The following CTSE variants were observed in gnomAD, a reference collection of about 807,000 sequenced individuals.
CTSE encodes the protein cathepsin E, also known as erythrocyte membrane aspartic proteinase.
Under a neutral mutation model 42.8 loss-of-function variants are expected in CTSE, and 43 were observed. The observed-to-expected ratio is 1.01, with a 90% confidence interval of 0.79 to 1.30. The LOEUF (loss-of-function observed/expected upper bound fraction) is 1.30, where lower values mean the gene tolerates loss of function less well. Ranked by LOEUF, CTSE falls within the 50% of genes most tolerant of loss-of-function variation. The probability of loss-of-function intolerance (pLI) is 0.00; values close to 1 mark genes in which losing one functional copy is unlikely to be tolerated. For synonymous variants in CTSE, 205 were observed against 191.5 expected (o/e 1.07, Z -0.58); for missense variants, 532 against 493.5 (o/e 1.08, Z -0.74).
At chr1:206,012,690 C>A in intron 6 of CTSE, 41 bp from the exon 7 acceptor site, 1 of 1,599,564 alleles carries the variant, frequency 6.3e-7, no homozygotes, top group Middle Eastern at 1.7e-4. Context: ...TTCCCTCCCC[C>A]GGCTCCTAGG....
intron 4 of CTSE, among the ~76,000 whole-genome samples, chr1:206,020,445 A>G (rs1330406947): frequency 1.3e-5 from 2 of 152,010 alleles, no homozygotes; most frequent in African/African-American, 4.8e-5. Flanking sequence ...GCCCAGGCAT[A>G]TATTGCTGTC....
At position 206,009,290 on chromosome 1, in the gene CTSE, A is replaced by G. The variant is rs184000275; in HGVS notation, c.*893T>C. ...AAAATGCTGAACTTTGTAATGAATG[A>G]TTAAAGCCAAGAACTCCAAACCCAC... On this transcript the variant is annotated 3_prime_UTR_variant, in exon 9 of 9. Transcript: ENST00000358184. 5 of 152,222 alleles carry G rather than the reference A, an allele frequency of 3.3e-5. No individual in the cohort carries two copies. The highest frequency in any genetic ancestry group is 2.0e-4 in the Admixed American group (3 of 15,280). 9.4% of individuals were successfully genotyped at this position (152,222 alleles called of 1,614,324 possible).
In CTSE at chr1:206,023,164, G is replaced by T. The variant is rs1214227173; in HGVS notation, c.69-107C>A. 5 of 870,736 alleles carry T rather than the reference G, an allele frequency of 5.7e-6. No homozygotes were observed. The Admixed American group carries it at 7.9e-5, about 14-fold the overall frequency. The allele number at this position is 870,736 out of a possible 1,614,324, so 53.9% of individuals were successfully genotyped here. A position where few individuals can be genotyped will look rare whatever the true frequency, so the allele number is the denominator to read the frequency against. On this transcript the variant is annotated intron_variant, in intron 1 of 8. Transcript: ENST00000358184. The stretch of plus-strand genomic sequence containing the variant: ...CAACTAGAGAAGATGGGGTGGGAGG[G>T]GGGGATCTGCAAGACAGCACGCAGG...
At chr1:206,015,866 A>G in intron 5 of CTSE, 65 bp downstream of exon 5, 1 of 1,463,674 alleles carries the variant, frequency 6.8e-7, no homozygotes, top group Non-Finnish European at 9.5e-7. Context: ...CTGCTAAGTC[A>G]AGTGTATGTG....
Position 206,013,910 on chromosome 1 carries a change from GAC to G in CTSE, c.663-18_663-17del, listed in dbSNP as rs1553277472. 2 of 1,612,994 alleles carry G rather than the reference GAC, an allele frequency of 1.2e-6. No homozygotes were observed. The highest frequency in any genetic ancestry group is 4.5e-5 in the East Asian group (2 of 44,900). On this transcript the variant is annotated splice_polypyrimidine_tract_variant and intron_variant, in intron 5 of 8. Coordinates refer to ENST00000358184, the MANE Select transcript of CTSE (RefSeq NM_001910.4). ...TTCTGGGTTACTACATGGAGAGAAA[GAC>G]AAACTGTCCAGGAAGGGCCACTGCA...
At chr1:206,019,477 T>A (rs1348989109) in intron 4 of CTSE, among the ~76,000 whole-genome samples, 1 of 151,826 alleles carries the variant, frequency 6.6e-6, no homozygotes, top group South Asian at 2.1e-4. Flanking sequence ...CCAGAAAAAC[T>A]GAGGGAAGGA....
chr1:206,017,847 C>T (rs1422416330), intron 4 of CTSE, among the ~76,000 whole-genome samples: 1 of 152,002 alleles, frequency 6.6e-6, no homozygotes, highest in African/African-American at 2.4e-5. Flanking sequence ...TCCCAATATC[C>T]TTTCTGTAGA....
chr1:206,019,819 T>A (rs1469803201), intron 4 of CTSE, among the ~76,000 whole-genome samples: 1 of 140,524 alleles, frequency 7.1e-6, no homozygotes, highest in Non-Finnish European at 1.5e-5. Context: ...TTATGTAATA[T>A]ATTATGTTAA....
chr1:206,018,513 G>A (rs1229346234), intron 4 of CTSE, among the ~76,000 whole-genome samples: 1 of 151,928 alleles, frequency 6.6e-6, no homozygotes, highest in African/African-American at 2.4e-5. Context: ...TTTTTTTAGT[G>A]TTGAGAGAAT....
chr1:206,022,771 A>G, intron 2 of CTSE, 130 bp downstream of exon 2: 1 of 922,150 alleles, frequency 1.1e-6, no homozygotes, highest in Non-Finnish European at 1.6e-6. Flanking sequence ...ATCAGTCCCC[A>G]TGGATCATCA....
Position 206,021,115 on chromosome 1 carries a change from A to G in CTSE, c.396T>C (p.Gly132=), listed in dbSNP as rs1553278315. 6.2e-7 allele frequency: 1 copy of G among 1,613,726 alleles called. No homozygotes were observed. Among genetic ancestry groups the G allele is most frequent in the African/African-American group, 1.3e-5 (1 of 74,986 alleles). ...TTCCATACTGAATGGAGAAAGATTG[A>G]CCTGGCTGGCTGTATGTGCTGGACT... ...PSQSSTYSQP[G]QSFSIQYGTG... is the part of the protein sequence containing the mutation. The change falls in exon 4 of 9, where the codon GGT becomes GGC. Residue 132 remains glycine, a synonymous_variant. Coordinates refer to ENST00000358184, the MANE Select transcript of CTSE (RefSeq NM_001910.4).
Position 206,010,256 on chromosome 1 carries a change from A to G in CTSE, c.1118T>C (p.Val373Ala), listed in dbSNP as rs1301584805. 1 of 1,613,798 alleles carries G rather than the reference A, an allele frequency of 6.2e-7. No individual in the cohort carries two copies. Among genetic ancestry groups the G allele is most frequent in the Non-Finnish European group, 8.5e-7 (1 of 1,179,796 alleles). ...PAGPLWILGDVFIRQFYSVFD... is the reference protein window; with the variant it reads ...PAGPLWILGDAFIRQFYSVFD... ...GACTGAGTAAAACTGTCGAATGAAG[A>G]CATCCCCCAGGATCCAGAGGGGCCC... The change falls in exon 9 of 9, where the codon GTC (valine) becomes GCC (alanine). Residue 373 changes from valine to alanine, a missense_variant. By Grantham distance (64) the Val-to-Ala change is moderately conservative. Transcript: ENST00000358184.
At chr1:206,023,550 T>C (rs781820535) in intron 1 of CTSE, among the ~76,000 whole-genome samples, 174 bp downstream of exon 1, 8 of 151,852 alleles carry the variant, frequency 5.3e-5, no homozygotes, top group Non-Finnish European at 1.2e-4. Flanking sequence ...TGTTGAGGAC[T>C]GGAGATTAAG....
rs566299574 is a variant in CTSE, at chr1:206,022,207, C to T, written c.286G>A (p.Asp96Asn). ...SPPQNFTVIF[D>N]TGSSNLWVPS... ...ACCCAGAGGTTGGAGGAGCCAGTGTCGAAGATGACAGTGAAGTTCTGTGGT... is the reference window on the plus strand; with the variant it reads ...ACCCAGAGGTTGGAGGAGCCAGTGTTGAAGATGACAGTGAAGTTCTGTGGT... The change falls in exon 3 of 9, where the codon GAC becomes AAC. Residue 96 changes from aspartate to asparagine, a missense_variant. Transcript: ENST00000358184. 8 of 1,613,066 alleles carry T rather than the reference C, an allele frequency of 5.0e-6. No individual in the cohort carries two copies. Among genetic ancestry groups the T allele is most frequent in the East Asian group, 2.2e-5 (1 of 44,856 alleles).
intron 6 of CTSE, 53 bp from the exon 7 acceptor site, chr1:206,012,702 A>G (rs1661146067): frequency 6.3e-7 from 1 of 1,594,410 alleles, no homozygotes; most frequent in Non-Finnish European, 8.6e-7. Flanking sequence ...GCTCCTAGGA[A>G]ACTCCCACTC....
At chr1:206,015,324 A>C (rs191843603) in intron 5 of CTSE, among the ~76,000 whole-genome samples, 15 of 152,224 alleles carry the variant, frequency 9.9e-5, no homozygotes, top group African/African-American at 3.4e-4. Context: ...GGCAACTGGC[A>C]GTCTACTTTC....
chr1:206,013,968 C>A, intron 5 of CTSE, 74 bp from the exon 6 acceptor site: 3 of 1,535,918 alleles, frequency 2.0e-6, no homozygotes, highest in Non-Finnish European at 2.7e-6. Context: ...AGCTAGGACC[C>A]TTTGCTTCTT....
chr1:206,018,827 A>C (rs1661331661), intron 4 of CTSE, among the ~76,000 whole-genome samples: 1 of 151,802 alleles, frequency 6.6e-6, no homozygotes, highest in Admixed American at 6.6e-5. Flanking sequence ...CAAAGAGTTC[A>C]TTCTTGGCTT....
At position 206,016,497 on chromosome 1, in the gene CTSE, C is replaced by T. The variant is rs1258827004; in HGVS notation, c.463-367G>A. Among the ~76,000 whole-genome samples the T allele has an allele frequency of 1.5e-4, 23 of 151,972 alleles. 1 individual carries two copies. The highest frequency in any genetic ancestry group is 1.5e-3 in the Admixed American group (23 of 15,254). ...CTTATTGTACACTGTTTTTTTGTAACTTGTTTCAGAAAATTTTGCCTACCT... is the reference window on the plus strand; with the variant it reads ...CTTATTGTACACTGTTTTTTTGTAATTTGTTTCAGAAAATTTTGCCTACCT... On this transcript the variant is annotated intron_variant, in intron 4 of 8. Transcript: ENST00000358184.
Sources: allele counts gnomAD v4.1 joint callset (sites outside exome capture counted in the v4.1 genomes callset), GRCh38; gene constraint gnomAD v4.1.1; transcripts MANE v1.5; gene names NCBI Gene and HGNC (gene_info 2026-07-23, HGNC 2026-07-21).